The following SEMA6D variants were observed in gnomAD, a reference collection of about 807,000 sequenced individuals.
SEMA6D encodes the protein semaphorin-6D.
A neutral mutation model predicts 106.6 loss-of-function variants in SEMA6D; 35 were observed. That is an observed-to-expected ratio of 0.33 (90% confidence interval 0.25 to 0.44). The LOEUF is 0.44. Among genes scored for constraint, SEMA6D ranks in the 20% least tolerant of loss-of-function variants. The pLI, the probability that SEMA6D is intolerant of heterozygous loss-of-function variation, is 1.00. For synonymous variants in SEMA6D, 499 were observed against 487.7 expected (o/e 1.02, Z -0.31); for missense variants, 1,185 against 1,345.9 (o/e 0.88, Z 1.87).
intron 4 of SEMA6D, among the ~76,000 whole-genome samples, chr15:47,603,045 T>A (rs1429725394): frequency 6.6e-6 from 1 of 152,182 alleles, no homozygotes; most frequent in Non-Finnish European, 1.5e-5. Context: ...CTAAGATTGA[T>A]AAAGGGCCCA....
At chr15:47,660,432 T>C (rs1213201486) in intron 4 of SEMA6D, among the ~76,000 whole-genome samples, 1 of 152,146 alleles carries the variant, frequency 6.6e-6, no homozygotes, top group East Asian at 1.9e-4. Flanking sequence ...ACCTATGGTA[T>C]GTATCTAAGG....
In SEMA6D at chr15:47,219,349, G is replaced by A. The variant is rs148240187; in HGVS notation, c.-239+34931G>A. On this transcript the variant is annotated intron_variant, in intron 1 of 19. Coordinates refer to the SEMA6D transcript ENST00000558014. The stretch of plus-strand genomic sequence containing the variant: ...CACATTCAATAAAATTCTTTTAGGC[G>A]GTTACAGCTACCAGGTCATAAGTAC... 2.0e-3 allele frequency among the ~76,000 whole-genome samples: 311 copies of A among 152,196 alleles called. 1 individual carries two copies. The highest frequency in any genetic ancestry group is 7.2e-3 in the African/African-American group (301 of 41,536).
intron 3 of SEMA6D, among the ~76,000 whole-genome samples, chr15:47,593,728 G>A (rs1414647219): frequency 6.6e-6 from 1 of 152,148 alleles, no homozygotes; most frequent in Non-Finnish European, 1.5e-5. Flanking sequence ...GAAGCATCAT[G>A]CTGACATCTG....
intron 3 of SEMA6D, among the ~76,000 whole-genome samples, chr15:47,524,677 T>C (rs890846357): frequency 6.6e-6 from 1 of 152,192 alleles, no homozygotes; most frequent in Non-Finnish European, 1.5e-5. Flanking sequence ...TTTTCATTAA[T>C]GCAAGGAAGT....
At chr15:47,371,536 C>T (rs968204893) in intron 1 of SEMA6D, among the ~76,000 whole-genome samples, 2 of 152,158 alleles carry the variant, frequency 1.3e-5, no homozygotes, top group African/African-American at 2.4e-5. Context: ...ATGCCAGAAA[C>T]TCCAGGAAGG....
At chr15:47,657,571 A>G (rs1197481573) in intron 4 of SEMA6D, among the ~76,000 whole-genome samples, 3 of 151,946 alleles carry the variant, frequency 2.0e-5, no homozygotes, top group Non-Finnish European at 4.4e-5. Context: ...TCAGAAAGAA[A>G]GAGAATATAT....
At chr15:47,320,117 G>A (rs983631958) in intron 1 of SEMA6D, among the ~76,000 whole-genome samples, 1 of 152,176 alleles carries the variant, frequency 6.6e-6, no homozygotes, top group Admixed American at 6.5e-5. Flanking sequence ...TATCTTTCAA[G>A]CTCCTTACAC....
At chr15:47,582,465 C>T (rs1445285025) in intron 3 of SEMA6D, among the ~76,000 whole-genome samples, 1 of 152,122 alleles carries the variant, frequency 6.6e-6, no homozygotes, top group Non-Finnish European at 1.5e-5. Flanking sequence ...AATGCCTCAG[C>T]AAAAAGCAGG....
At chr15:47,562,903 A>G (rs2046121029) in intron 3 of SEMA6D, among the ~76,000 whole-genome samples, 1 of 152,182 alleles carries the variant, frequency 6.6e-6, no homozygotes, top group African/African-American at 2.4e-5. Context: ...AGTTATATTC[A>G]CAATAGCCAA....
chr15:47,553,646 C>CAA (rs1290002813), intron 3 of SEMA6D, among the ~76,000 whole-genome samples: 1 of 152,046 alleles, frequency 6.6e-6, no homozygotes, highest in Non-Finnish European at 1.5e-5. Context: ...TTTGAAGGTG[C>CAA]AAACCAGGCT....
At chr15:47,732,341 A>G (rs533657027) in intron 1 of SEMA6D, among the ~76,000 whole-genome samples, 1 of 152,180 alleles carries the variant, frequency 6.6e-6, no homozygotes, top group Non-Finnish European at 1.5e-5. Flanking sequence ...CAACCTGTTA[A>G]CCTTCTGCTT....
chr15:47,757,576 T>C lies in SEMA6D; in HGVS notation c.-54-2169T>C, dbSNP rs2081824515. ...GTAGTAAAAAACTAGAACCAAATCA[T>C]TGCGGTTGTTGAGGTAGGATAGTAG... On this transcript the variant is annotated intron_variant, in intron 1 of 18. Transcript: ENST00000536845. Among the ~76,000 whole-genome samples the C allele has an allele frequency of 2.6e-5, 4 of 152,142 alleles. No individual in the cohort carries two copies. In the South Asian group the frequency reaches 6.2e-4, roughly 24 times the overall value.
intron 1 of SEMA6D, among the ~76,000 whole-genome samples, chr15:47,335,644 G>A (rs914014629): frequency 3.9e-5 from 6 of 152,108 alleles, no homozygotes; most frequent in African/African-American, 1.4e-4. Context: ...TATTCCTGCA[G>A]AAATGAACAA....
intron 1 of SEMA6D, among the ~76,000 whole-genome samples, chr15:47,364,977 T>C (rs545817794): frequency 6.6e-5 from 10 of 152,272 alleles, no homozygotes; most frequent in African/African-American, 2.4e-4. Flanking sequence ...TATCTTTATC[T>C]CCACAGCATC....
chr15:47,280,378 C>G (rs2035056640), intron 1 of SEMA6D, among the ~76,000 whole-genome samples: 1 of 151,116 alleles, frequency 6.6e-6, no homozygotes, highest in Non-Finnish European at 1.5e-5. Context: ...GTGATATCCT[C>G]TTTATCATTT....
At chr15:47,342,610 C>A (rs1567011821) in intron 1 of SEMA6D, among the ~76,000 whole-genome samples, 1 of 152,154 alleles carries the variant, frequency 6.6e-6, no homozygotes, top group Admixed American at 6.5e-5. Context: ...TTTTTAAAAT[C>A]TAAAATTATT....
chr15:47,258,862 T>G (rs1304962070), intron 1 of SEMA6D, among the ~76,000 whole-genome samples: 1 of 152,128 alleles, frequency 6.6e-6, no homozygotes, highest in Non-Finnish European at 1.5e-5. Context: ...TGACAACATT[T>G]TATTATTTGT....
chr15:47,749,941 C>G (rs1020316870), intron 1 of SEMA6D, among the ~76,000 whole-genome samples: 6 of 151,974 alleles, frequency 3.9e-5, no homozygotes, highest in African/African-American at 1.4e-4. Context: ...GTTTGAAGAT[C>G]TGATGGAATG....
intron 4 of SEMA6D, among the ~76,000 whole-genome samples, chr15:47,672,785 A>G (rs1002547489): frequency 1.3e-5 from 2 of 152,184 alleles, no homozygotes; most frequent in African/African-American, 4.8e-5. Context: ...AGTCCAGGCA[A>G]TGTATTAATA....
Sources: allele counts gnomAD v4.1 joint callset (sites outside exome capture counted in the v4.1 genomes callset), GRCh38; gene constraint gnomAD v4.1.1; transcripts MANE v1.5; gene names NCBI Gene and HGNC (gene_info 2026-07-23, HGNC 2026-07-21).